STK3: variants seen among roughly 807,000 people sequenced by gnomAD.
The protein encoded by STK3 is serine/threonine-protein kinase 3.
Under a neutral mutation model 58.0 loss-of-function variants are expected in STK3, and 41 were observed. The observed-to-expected ratio is 0.71, with a 90% confidence interval of 0.55 to 0.92. STK3 has a LOEUF of 0.92. STK3 is among the 40% of genes least tolerant of loss of function. STK3 has a pLI of 0.00. For missense variants in STK3, 479 were observed against 602.7 expected, an observed-to-expected ratio of 0.79 and a Z score of 2.15; for synonymous variants, 170 against 191.0, an observed-to-expected ratio of 0.89 and a Z score of 0.91.
At chr8:98,660,435 A>G (rs1821879419) in intron 6 of STK3, among the ~76,000 whole-genome samples, 2 of 152,088 alleles carry the variant, frequency 1.3e-5, no homozygotes, top group African/African-American at 4.8e-5. Flanking sequence ...TAAAAATAAG[A>G]GCTTTTTAAA....
At chr8:98,873,996 A>G (rs1837474392) in intron 3 of STK3, among the ~76,000 whole-genome samples, 1 of 151,848 alleles carries the variant, frequency 6.6e-6, no homozygotes, top group South Asian at 2.1e-4. Context: ...TTTCCTTTCC[A>G]TGTTTAGTGC....
chr8:98,463,375 G>A (rs1586622546), intron 10 of STK3, among the ~76,000 whole-genome samples: 1 of 151,392 alleles, frequency 6.6e-6, no homozygotes, highest in East Asian at 2.0e-4. Context: ...ACATTTCTCA[G>A]TATTTCTAAA....
chr8:98,608,447 T>C (rs1026642670), intron 6 of STK3, among the ~76,000 whole-genome samples: 1 of 152,232 alleles, frequency 6.6e-6, no homozygotes, highest in Non-Finnish European at 1.5e-5. Flanking sequence ...GTTTGATGCA[T>C]GTTCACCAGC....
At chr8:98,727,530 T>A (rs2131224491) in intron 4 of STK3, among the ~76,000 whole-genome samples, 1 of 152,278 alleles carries the variant, frequency 6.6e-6, no homozygotes, top group South Asian at 2.1e-4. Context: ...AAACTTGAAG[T>A]AAATACCAAA....
chr8:98,547,893 A>G (rs745323999), intron 9 of STK3, 76 bp downstream of exon 9: 1 of 1,287,648 alleles, frequency 7.8e-7, no homozygotes, highest in Non-Finnish European at 1.0e-6. Flanking sequence ...AAAAAGTAAC[A>G]CAGAACTAGC....
At chr8:98,479,144 C>T (rs763900005) in intron 10 of STK3, among the ~76,000 whole-genome samples, 15 of 151,744 alleles carry the variant, frequency 9.9e-5, no homozygotes, top group African/African-American at 3.1e-4. Context: ...TCTCTTTCTG[C>T]GTGATAGTGC....
At chr8:98,586,180 T>C (rs1814572507) in intron 7 of STK3, among the ~76,000 whole-genome samples, 1 of 151,302 alleles carries the variant, frequency 6.6e-6, no homozygotes, top group South Asian at 2.1e-4. Flanking sequence ...GTGCCAGTTT[T>C]CAAAGGGAAT....
the STK3 span, among the ~76,000 whole-genome samples, chr8:98,349,352 C>T: frequency 1.3e-5 from 2 of 152,230 alleles, no homozygotes; most frequent in African/African-American, 4.8e-5. Context: ...GGTGGGCTCC[C>T]ATGGTCTTCG....
At chr8:98,416,386 T>C (rs1319500582) in intron 3 of STK3, among the ~76,000 whole-genome samples, 1 of 87,962 alleles carries the variant, frequency 1.1e-5, no homozygotes, top group Non-Finnish European at 2.4e-5. Flanking sequence ...TTTTTTTTTT[T>C]GCTAAGTGAT....
chr8:98,927,516 T>C (rs1319266068), intron 1 of STK3, among the ~76,000 whole-genome samples: 2 of 152,362 alleles, frequency 1.3e-5, no homozygotes, highest in African/African-American at 4.8e-5. Flanking sequence ...GCTTACCCTG[T>C]GCTGGGAACA....
chr8:98,802,534 G>T (rs1833622824), intron 1 of STK3, among the ~76,000 whole-genome samples: 1 of 152,080 alleles, frequency 6.6e-6, no homozygotes, highest in Admixed American at 6.5e-5. Context: ...ATACATATAG[G>T]TTCACTTTCT....
At chr8:98,920,285 G>A (rs1003238116) in intron 1 of STK3, among the ~76,000 whole-genome samples, 1 of 152,208 alleles carries the variant, frequency 6.6e-6, no homozygotes, top group Non-Finnish European at 1.5e-5. Context: ...GTAGGTTAGT[G>A]AATAGTCTTC....
chr8:98,590,281 T>C (rs926686571), intron 7 of STK3, among the ~76,000 whole-genome samples: 1 of 152,232 alleles, frequency 6.6e-6, no homozygotes, highest in African/African-American at 2.4e-5. Context: ...TCTTGGAATA[T>C]AAATTTCTGA....
chr8:98,614,612 C>T (rs1467299554), intron 6 of STK3, among the ~76,000 whole-genome samples: 4 of 149,556 alleles, frequency 2.7e-5, no homozygotes, highest in Non-Finnish European at 5.9e-5. Flanking sequence ...GCACCGTGCG[C>T]GAGCCGAAGC....
At chr8:98,855,589 C>T (rs148251168) in intron 3 of STK3, among the ~76,000 whole-genome samples, 8 of 152,194 alleles carry the variant, frequency 5.3e-5, no homozygotes, top group Middle Eastern at 3.4e-3. Context: ...ATTTTCATGA[C>T]CTTGGATTCA....
At chr8:98,617,265 G>A (rs1433961476) in intron 6 of STK3, among the ~76,000 whole-genome samples, 3 of 145,238 alleles carry the variant, frequency 2.1e-5, no homozygotes, top group Non-Finnish European at 3.0e-5. Flanking sequence ...TGAAACCAAC[G>A]AGAACAAAGA....
At chr8:98,765,672 T>C (rs1182183961) in intron 3 of STK3, among the ~76,000 whole-genome samples, 2 of 152,210 alleles carry the variant, frequency 1.3e-5, no homozygotes, top group African/African-American at 4.8e-5. Context: ...GCAGCCCTGT[T>C]GTAGCCATGA....
intron 6 of STK3, among the ~76,000 whole-genome samples, chr8:98,695,637 CTCAAAGA>C: frequency 6.6e-6 from 1 of 152,132 alleles, no homozygotes. Context: ...TCTCAGGTTT[CTCAAAGA>C]TCAGATAGTT....
At chr8:98,448,252 G>C (rs1819044258) in intron 1 of STK3, among the ~76,000 whole-genome samples, 1 of 152,098 alleles carries the variant, frequency 6.6e-6, no homozygotes, top group Non-Finnish European at 1.5e-5. Context: ...CAGCTGGTGT[G>C]CTTTTAAAAT....
Sources: allele counts gnomAD v4.1 joint callset (sites outside exome capture counted in the v4.1 genomes callset), GRCh38; gene constraint gnomAD v4.1.1; transcripts MANE v1.5; gene names NCBI Gene and HGNC (gene_info 2026-07-23, HGNC 2026-07-21).